The following ARL6IP6 variants were observed in gnomAD, a reference collection of about 807,000 sequenced individuals.
The protein encoded by ARL6IP6 is ADP-ribosylation factor-like protein 6-interacting protein 6.
Under a neutral mutation model 21.5 loss-of-function variants are expected in ARL6IP6, and 22 were observed. That is an observed-to-expected ratio of 1.02 (90% confidence interval 0.73 to 1.46). The LOEUF (loss-of-function observed/expected upper bound fraction) is 1.46, where lower values mean the gene tolerates loss of function less well. ARL6IP6 is among the 40% of genes most tolerant of loss of function. ARL6IP6 has a pLI of 0.00. For synonymous variants in ARL6IP6, 164 were observed against 125.3 expected, an observed-to-expected ratio of 1.31 and a Z score of -2.06; for missense variants, 388 against 299.8, an observed-to-expected ratio of 1.29 and a Z score of -2.17.
In ARL6IP6 at chr2:152,718,786, C is replaced by T. The variant is rs763978079; in HGVS notation, c.162C>T (p.Asp54=). 5 of 1,607,020 alleles carry T rather than the reference C, an allele frequency of 3.1e-6. No individual in the cohort carries two copies. Among genetic ancestry groups the T allele is most frequent in the East Asian group, 2.2e-5 (1 of 44,634 alleles). Reference sequence around the variant, plus strand: ...AGGGATGCGACCAAGTGGCCCGCGACCTGCGGGCGGAGTTCTCGGCTGGGG... The same window carrying T: ...AGGGATGCGACCAAGTGGCCCGCGATCTGCGGGCGGAGTTCTCGGCTGGGG... ...EEEGCDQVAR[D]LRAEFSAGAW... Residue 54 remains aspartate (D), a synonymous_variant, in exon 1 of 4, where the codon GAC becomes GAT. Transcript: ENST00000326446.
chr2:152,740,677 T>C (rs1007721417), intron 3 of ARL6IP6, among the ~76,000 whole-genome samples: 1 of 152,050 alleles, frequency 6.6e-6, no homozygotes, highest in African/African-American at 2.4e-5. Context: ...ATATATTATG[T>C]AGTCCTAGCT....
intron 3 of ARL6IP6, among the ~76,000 whole-genome samples, chr2:152,753,193 T>A (rs1701419266): frequency 1.3e-5 from 2 of 152,156 alleles, no homozygotes; most frequent in Admixed American, 6.5e-5. Flanking sequence ...TTTTACTCCA[T>A]GTAGATATGA....
chr2:152,728,446 C>T (rs1291860702), intron 2 of ARL6IP6, among the ~76,000 whole-genome samples: 1 of 152,080 alleles, frequency 6.6e-6, no homozygotes, highest in East Asian at 1.9e-4. Flanking sequence ...CTGTGTCTGA[C>T]TTCATAAAAC....
rs774647971 is a variant in ARL6IP6 at position 152,759,789 on chromosome 2, G to A, written c.630G>A (p.Ala210=). The change falls in exon 4 of 4, where the codon GCG becomes GCA. Residue 210 remains alanine (A), a synonymous_variant. Transcript: ENST00000326446. ...CTTTCCACATGGGCTATAGCATGGC[G>A]ATTTTGAATGGCATCGTAGCTGCTC... The part of the protein sequence containing the change: ...GHSFHMGYSM[A]ILNGIVAALT... 3.7e-6 allele frequency: 6 copies of A among 1,613,434 alleles called. No homozygotes were observed. Among genetic ancestry groups the A allele is most frequent in the East Asian group, 2.2e-5 (1 of 44,844 alleles).
At chr2:152,732,377 T>G (rs1700358246) in intron 2 of ARL6IP6, among the ~76,000 whole-genome samples, 1 of 152,114 alleles carries the variant, frequency 6.6e-6, no homozygotes, top group African/African-American at 2.4e-5. Flanking sequence ...TTTTTGTCAG[T>G]TGATGAAAAA....
chr2:152,759,024 A>G (rs1242378066), intron 3 of ARL6IP6, among the ~76,000 whole-genome samples: 1 of 152,132 alleles, frequency 6.6e-6, no homozygotes, highest in East Asian at 1.9e-4. Flanking sequence ...TCTTTTTAAT[A>G]TGTCTGATTC....
intron 2 of ARL6IP6, among the ~76,000 whole-genome samples, chr2:152,725,678 G>C (rs1290980936): frequency 6.6e-6 from 1 of 151,842 alleles, no homozygotes; most frequent in East Asian, 1.9e-4. Context: ...ATAATGACAA[G>C]CTGTAACCAA....
At chr2:152,739,906 C>A (rs930452905) in intron 3 of ARL6IP6, among the ~76,000 whole-genome samples, 1 of 152,064 alleles carries the variant, frequency 6.6e-6, no homozygotes, top group African/African-American at 2.4e-5. Context: ...GAGGAACTGC[C>A]CTTTATAAAA....
At position 152,718,688 on chromosome 2, in the gene ARL6IP6, C is replaced by T; in HGVS notation, c.64C>T (p.Pro22Ser). Residue 22 changes from proline (P) to serine (S), a missense_variant, in exon 1 of 4, where the codon CCT becomes TCT. Pro to Ser is a moderately conservative substitution (Grantham distance 74). Coordinates refer to ENST00000326446, the MANE Select transcript of ARL6IP6 (RefSeq NM_152522.7). Reference protein sequence around the residue: ...LRRRGPGTPGPVARPSYSSFT... With the variant: ...LRRRGPGTPGSVARPSYSSFT... ...GCGCCGCGGTCCCGGCACCCCGGGC[C>T]CTGTGGCTCGGCCATCGTATTCCTC... 6.3e-7 allele frequency: 1 copy of T among 1,593,154 alleles called. No individual in the cohort carries two copies. Among genetic ancestry groups the T allele is most frequent in the South Asian group, 1.1e-5 (1 of 88,538 alleles).
intron 3 of ARL6IP6, among the ~76,000 whole-genome samples, chr2:152,748,318 T>C (rs1257240744): frequency 6.6e-6 from 1 of 152,226 alleles, no homozygotes; most frequent in Non-Finnish European, 1.5e-5. Context: ...GTTAATGTAG[T>C]TTTACGTTTC....
At chr2:152,743,909 A>G (rs774013556) in intron 3 of ARL6IP6, among the ~76,000 whole-genome samples, 4 of 152,188 alleles carry the variant, frequency 2.6e-5, no homozygotes, top group South Asian at 2.1e-4. Flanking sequence ...GAGAAATGCT[A>G]TAGAAATAGC....
At chr2:152,730,604 A>G (rs774283322) in intron 2 of ARL6IP6, among the ~76,000 whole-genome samples, 1 of 152,082 alleles carries the variant, frequency 6.6e-6, no homozygotes, top group African/African-American at 2.4e-5. Flanking sequence ...TGTTCACCCA[A>G]TTCCAGGTTG....
chr2:152,746,821 C>CTTTTTTTTTG (rs1701074012), intron 3 of ARL6IP6, among the ~76,000 whole-genome samples: 1 of 33,074 alleles, frequency 3.0e-5, no homozygotes, highest in African/African-American at 1.4e-4. Flanking sequence ...TTTATCCTTT[C>CTTTTTTTTTG]TTTTTTTTTT....
intron 3 of ARL6IP6, among the ~76,000 whole-genome samples, chr2:152,753,776 T>C (rs539915336): frequency 6.7e-6 from 1 of 149,056 alleles, no homozygotes; most frequent in Admixed American, 6.8e-5. Flanking sequence ...CTCAGCTCAC[T>C]GCAAGCTCTG....
At chr2:152,756,183 T>A (rs2105191317) in intron 3 of ARL6IP6, among the ~76,000 whole-genome samples, 1 of 152,312 alleles carries the variant, frequency 6.6e-6, no homozygotes, top group African/African-American at 2.4e-5. Context: ...TATACCTATG[T>A]TTCCTTCTAA....
intron 2 of ARL6IP6, among the ~76,000 whole-genome samples, chr2:152,733,556 C>A (rs1394403152): frequency 6.6e-6 from 1 of 152,172 alleles, no homozygotes; most frequent in Admixed American, 6.5e-5. Context: ...AGCCACCACG[C>A]CCGGCCCTGT....
chr2:152,734,879 A>T, intron 2 of ARL6IP6, 115 bp from the exon 3 acceptor site: 1 of 1,094,836 alleles, frequency 9.1e-7, no homozygotes, highest in Non-Finnish European at 1.3e-6. Context: ...AAAATATCAG[A>T]TCCATATAAT....
At chr2:152,728,741 T>C (rs1028225453) in intron 2 of ARL6IP6, among the ~76,000 whole-genome samples, 2 of 152,130 alleles carry the variant, frequency 1.3e-5, no homozygotes, top group East Asian at 3.8e-4. Flanking sequence ...CTTAAGAGGT[T>C]TCAATTGATG....
chr2:152,752,466 A>G (rs1331906176), intron 3 of ARL6IP6, among the ~76,000 whole-genome samples: 2 of 152,238 alleles, frequency 1.3e-5, no homozygotes, highest in Admixed American at 6.5e-5. Context: ...ATTTTGAACA[A>G]AGAATTGAAC....
Sources: gnomAD v4.1 joint callset for allele counts (sites outside exome capture counted in the v4.1 genomes callset) on GRCh38, gnomAD v4.1.1 for gene constraint, MANE v1.5 for transcripts, NCBI Gene and HGNC (gene_info 2026-07-23, HGNC 2026-07-21) for gene names.